The following ATG2B variants were observed in gnomAD, a reference collection of about 807,000 sequenced individuals.
ATG2B encodes autophagy related 2B, also known as autophagy-related protein 2 homolog B.
Under a neutral mutation model 241.3 loss-of-function variants are expected in ATG2B, and 121 were observed. The observed-to-expected ratio is 0.50, with a 90% confidence interval of 0.43 to 0.58. The LOEUF is 0.58. Among genes scored for constraint, ATG2B ranks in the 20% least tolerant of loss-of-function variants. ATG2B has a pLI of 0.00. For synonymous variants in ATG2B, 858 were observed against 876.6 expected (o/e 0.98, Z 0.37); for missense variants, 2,306 against 2,491.6 (o/e 0.93, Z 1.59).
chr14:96,339,933 A>G (rs537932478), intron 6 of ATG2B, among the ~76,000 whole-genome samples: 92 of 151,518 alleles, frequency 6.1e-4, no homozygotes, highest in Middle Eastern at 3.4e-3. Context: ...GAACTTCCAT[A>G]TGATTCAACA....
intron 14 of ATG2B, among the ~76,000 whole-genome samples, chr14:96,328,015 G>A (rs781452761): frequency 2.6e-5 from 4 of 152,090 alleles, no homozygotes; most frequent in Admixed American, 6.5e-5. Context: ...ACAGAGTTTC[G>A]CCATGTTGGC....
chr14:96,305,717 G>A lies in ATG2B; in HGVS notation c.4605C>T (p.Ser1535=), dbSNP rs748996774. The A allele has an allele frequency of 6.2e-7, 1 of 1,614,034 alleles. No individual in the cohort carries two copies. Among genetic ancestry groups the A allele is most frequent in the Non-Finnish European group, 8.5e-7 (1 of 1,180,018 alleles). Reference sequence around the variant, plus strand: ...GAATGGGAAAGTGTAAGGGGGCTTTGCTCGTATCGGTCTTATTAACGGGCA... The same window carrying A: ...GAATGGGAAAGTGTAAGGGGGCTTTACTCGTATCGGTCTTATTAACGGGCA... ...FSLPVNKTDT[S]KAPLHFPIPV... The change falls in exon 31 of 42, where the codon AGC becomes AGT. Residue 1535 remains serine, a synonymous_variant. Coordinates refer to ENST00000359933, the MANE Select transcript of ATG2B (RefSeq NM_018036.7).
At chr14:96,362,236 G>A (rs780583485) in intron 1 of ATG2B, among the ~76,000 whole-genome samples, 1 of 152,142 alleles carries the variant, frequency 6.6e-6, no homozygotes, top group African/African-American at 2.4e-5. Flanking sequence ...ACCATTCACA[G>A]GCTGGATACA....
At chr14:96,307,124 C>G (rs1352190647) in intron 29 of ATG2B, among the ~76,000 whole-genome samples, 1 of 152,066 alleles carries the variant, frequency 6.6e-6, no homozygotes, top group Non-Finnish European at 1.5e-5. Context: ...TCAAAAACCA[C>G]TAATAGGCCA....
intron 6 of ATG2B, among the ~76,000 whole-genome samples, chr14:96,340,064 C>A (rs1420803936): frequency 2.9e-5 from 2 of 68,022 alleles, no homozygotes; most frequent in Admixed American, 1.9e-4. Context: ...TGAATATATG[C>A]TATATGTGAT....
intron 1 of ATG2B, among the ~76,000 whole-genome samples, chr14:96,356,865 A>G (rs1888489142): frequency 6.6e-6 from 1 of 152,224 alleles, no homozygotes; most frequent in South Asian, 2.1e-4. Context: ...GTAAACAGAA[A>G]GTTAGTACCC....
rs1388414281 is a variant in ATG2B, at chr14:96,292,026, A to T, written c.5496+3T>A. The stretch of plus-strand genomic sequence containing the variant: ...GTGGAGTATATTTGTAGAGTTTCCC[A>T]ACCTGATCCATTGATACATGTTTGC... On this transcript the variant is annotated splice_donor_region_variant and intron_variant, in intron 37 of 41. Transcript: ENST00000359933. The T allele has an allele frequency of 5.7e-6, 9 of 1,586,430 alleles. No individual in the cohort carries two copies. Among genetic ancestry groups the T allele is most frequent in the Non-Finnish European group, 6.9e-6 (8 of 1,164,400 alleles).
At position 96,290,322 on chromosome 14, in the gene ATG2B, A is replaced by C. The variant is rs1177426639; in HGVS notation, c.5856+114T>G. On this transcript the variant is annotated intron_variant, in intron 40 of 41. Coordinates refer to ENST00000359933, the MANE Select transcript of ATG2B (RefSeq NM_018036.7). The surrounding 1 kb of genome is among the most constrained non-coding windows in gnomAD (Gnocchi z 4.4). ...GCATGACATTAAATCACTACGAATA[A>C]AGTATCTACTCACAACATTTTGTAT... The C allele has an allele frequency of 5.1e-6, 7 of 1,369,716 alleles. No homozygotes were observed. Among genetic ancestry groups the C allele is most frequent in the African/African-American group, 1.4e-5 (1 of 69,062 alleles). 84.8% of individuals were successfully genotyped at this position (1,369,716 alleles called of 1,614,324 possible). A position where few individuals can be genotyped will look rare whatever the true frequency, so the allele number is the denominator to read the frequency against.
In ATG2B at chr14:96,313,153, G is replaced by C; in HGVS notation, c.3754C>G (p.Leu1252Val). The C allele has an allele frequency of 6.2e-7, 1 of 1,610,958 alleles. No individual in the cohort carries two copies. Among genetic ancestry groups the C allele is most frequent in the South Asian group, 1.1e-5 (1 of 90,944 alleles). ...AGAAGAGATCGGATTGGCAAATAAA[G>C]GGGTCTAATGCCAAAGAGAAACAAA... is the stretch of plus-strand genomic sequence containing the variant. ...LWSCALDYRP[L>V]YLPIRSLLTV... The change falls in exon 25 of 42, where the codon CTT becomes GTT. Residue 1252 changes from leucine (L) to valine (V), a missense_variant. Physicochemically the swap from Leu to Val is conservative, Grantham distance 32. This residue lies in a region of ATG2B where 1,927 missense variants were observed against 2,011.2 expected (regional missense o/e 0.96). Transcript: ENST00000359933.
intron 30 of ATG2B, among the ~76,000 whole-genome samples, chr14:96,306,207 ATTGT>A (rs1037129199): frequency 1.3e-5 from 2 of 152,194 alleles, no homozygotes; most frequent in African/African-American, 4.8e-5. Flanking sequence ...CCTGAGTTTG[ATTGT>A]TTGGATTTTT....
chr14:96,304,204 G>A (rs1886869952), intron 32 of ATG2B, among the ~76,000 whole-genome samples: 1 of 152,210 alleles, frequency 6.6e-6, no homozygotes. Context: ...CTCTGGGGTG[G>A]AGCCCAGAAA....
intron 1 of ATG2B, among the ~76,000 whole-genome samples, chr14:96,354,393 G>C (rs886504130): frequency 6.6e-6 from 1 of 152,164 alleles, no homozygotes; most frequent in African/African-American, 2.4e-5. Flanking sequence ...TTCTGTTCCT[G>C]CATCAGTCTG....
At chr14:96,326,080 TA>T (rs1887581742) in intron 14 of ATG2B, among the ~76,000 whole-genome samples, 158 bp from the exon 15 acceptor site, 1 of 152,144 alleles carries the variant, frequency 6.6e-6, no homozygotes, top group Admixed American at 6.5e-5. Flanking sequence ...TAATTTAGTG[TA>T]AAAAAATTTT....
At chr14:96,357,108 A>C (rs1037060983) in intron 1 of ATG2B, among the ~76,000 whole-genome samples, 7 of 152,006 alleles carry the variant, frequency 4.6e-5, no homozygotes, top group Non-Finnish European at 1.0e-4. Flanking sequence ...GCTTGTAACC[A>C]CCATTAAAAT....
intron 31 of ATG2B, among the ~76,000 whole-genome samples, chr14:96,305,292 C>T (rs1218434891): frequency 6.6e-6 from 1 of 152,160 alleles, no homozygotes; most frequent in Non-Finnish European, 1.5e-5. Flanking sequence ...ACATGACTCA[C>T]AGGACCTACT....
intron 1 of ATG2B, among the ~76,000 whole-genome samples, chr14:96,356,373 AG>A (rs1350213596): frequency 1.3e-5 from 2 of 152,154 alleles, no homozygotes; most frequent in African/African-American, 2.4e-5. Flanking sequence ...AACTTGCAAA[AG>A]GTCTTCAATT....
At chr14:96,327,804 C>T (rs767059844) in intron 14 of ATG2B, among the ~76,000 whole-genome samples, 1 of 151,904 alleles carries the variant, frequency 6.6e-6, no homozygotes, top group Admixed American at 6.6e-5. Flanking sequence ...TGTTGTTATA[C>T]CATCTTCATA....
At chr14:96,297,429 G>A (rs1341723729) in intron 34 of ATG2B, among the ~76,000 whole-genome samples, 7 of 152,124 alleles carry the variant, frequency 4.6e-5, no homozygotes, top group East Asian at 1.9e-4. Flanking sequence ...ACAGAGTCTC[G>A]CTCTGTTGCC....
chr14:96,306,967 A>G (rs767189789), intron 29 of ATG2B, 51 bp from the exon 30 acceptor site: 2 of 1,457,988 alleles, frequency 1.4e-6, no homozygotes, highest in Non-Finnish European at 1.9e-6. Flanking sequence ...ATCAACAACA[A>G]CAAGCATTTT....
Sources: allele counts gnomAD v4.1 joint callset (sites outside exome capture counted in the v4.1 genomes callset), GRCh38; gene constraint gnomAD v4.1.1; regional missense constraint gnomAD v4.1.1; non-coding constraint Gnocchi (gnomAD v3.1); transcripts MANE v1.5; gene names NCBI Gene and HGNC (gene_info 2026-07-23, HGNC 2026-07-21).